KRT8: variants seen among roughly 807,000 people sequenced by gnomAD.
KRT8 encodes the protein keratin, type II cytoskeletal 8.
A neutral mutation model predicts 43.0 loss-of-function variants in KRT8; 24 were observed. The observed-to-expected ratio is 0.56, with a 90% confidence interval of 0.40 to 0.78. The LOEUF (loss-of-function observed/expected upper bound fraction) is 0.78, where lower values mean the gene tolerates loss of function less well. Among genes scored for constraint, KRT8 ranks in the 30% least tolerant of loss-of-function variants. The probability of loss-of-function intolerance (pLI) is 0.00; values close to 1 mark genes in which losing one functional copy is unlikely to be tolerated. For missense variants in KRT8, 492 were observed against 638.4 expected, an observed-to-expected ratio of 0.77 and a Z score of 2.47; for synonymous variants, 214 against 261.2, an observed-to-expected ratio of 0.82 and a Z score of 1.74.
At chr12:52,913,383 A>G (rs1941673342) in intron 2 of KRT8, among the ~76,000 whole-genome samples, 1 of 152,344 alleles carries the variant, frequency 6.6e-6, no homozygotes, top group Admixed American at 6.5e-5. Context: ...CAAAAGTTTT[A>G]TGATTCTATG....
At chr12:52,902,132 G>A in intron 1 of KRT8, 60 bp from the exon 2 acceptor site, 1 of 1,104,436 alleles carries the variant, frequency 9.1e-7, no homozygotes, top group Non-Finnish European at 1.4e-6. Flanking sequence ...AAGTCTGGAG[G>A]AAAGCAAGCA....
At chr12:52,925,939 A>G (rs1316534558) in intron 2 of KRT8, among the ~76,000 whole-genome samples, 1 of 151,954 alleles carries the variant, frequency 6.6e-6, no homozygotes, top group Non-Finnish European at 1.5e-5. Flanking sequence ...GAAGGAGGAG[A>G]AAGGAGGCAG....
chr12:52,902,855 T>C (rs1447206610), intron 1 of KRT8, among the ~76,000 whole-genome samples: 1 of 151,984 alleles, frequency 6.6e-6, no homozygotes, highest in Non-Finnish European at 1.5e-5. Flanking sequence ...CTACAAATAA[T>C]ACAAAAATTA....
chr12:52,900,006 G>A (rs1223505326), exon 5 of KRT8: 3 of 1,613,120 alleles, frequency 1.9e-6, no homozygotes, highest in Non-Finnish European at 1.7e-6. Flanking sequence ...GGGAGCGGCT[G>A]TTGTCCATGG....
At chr12:52,949,175 T>A in intron 2 of KRT8, 1 of 1,609,238 alleles carries the variant, frequency 6.2e-7, no homozygotes, top group Non-Finnish European at 8.5e-7. Context: ...CCGGACAGCA[T>A]GAGCTTCACC....
upstream of KRT8, chr12:52,906,680 C>T (rs1371469347): frequency 4.4e-6 from 2 of 455,814 alleles, no homozygotes; most frequent in Non-Finnish European, 8.8e-6. Context: ...CTGGAAGATA[C>T]TGCAGGGTGT....
At chr12:52,949,309 A>C (rs760412718) in intron 2 of KRT8, 1 of 1,610,408 alleles carries the variant, frequency 6.2e-7, no homozygotes, top group East Asian at 2.2e-5. Flanking sequence ...TGGTTCCCGG[A>C]TCTCCGTGTC....
At chr12:52,903,997 G>C (rs1268842506) in intron 1 of KRT8, among the ~76,000 whole-genome samples, 1 of 151,652 alleles carries the variant, frequency 6.6e-6, no homozygotes, top group Admixed American at 6.6e-5. Flanking sequence ...GCAGGGGCCG[G>C]GGTATGACTC....
At chr12:52,898,063 C>G (rs1351760034) in intron 7 of KRT8, among the ~76,000 whole-genome samples, 2 of 152,016 alleles carry the variant, frequency 1.3e-5, no homozygotes, top group South Asian at 2.1e-4. Flanking sequence ...ACTTGGGAGG[C>G]CTGAGGCAGG....
At chr12:52,915,384 A>G (rs1190428598) in intron 2 of KRT8, among the ~76,000 whole-genome samples, 5 of 151,254 alleles carry the variant, frequency 3.3e-5, no homozygotes, top group Admixed American at 1.3e-4. Flanking sequence ...AAAAAAAAAA[A>G]AAATGTGATT....
intron 2 of KRT8, chr12:52,948,932 C>CT: frequency 2.3e-6 from 1 of 428,440 alleles, no homozygotes; most frequent in African/African-American, 2.1e-5. Context: ...CACCCCGTTT[C>CT]TGGGGGGTGA....
At chr12:52,904,602 G>A in intron 1 of KRT8, 56 bp downstream of exon 1, 1 of 1,511,602 alleles carries the variant, frequency 6.6e-7, no homozygotes, top group South Asian at 1.1e-5. Context: ...TAGGGACCGG[G>A]ACTACCAGGA....
At chr12:52,918,189 A>AGAAGAAGAAGAG (rs1941803218) in intron 2 of KRT8, among the ~76,000 whole-genome samples, 2 of 120,434 alleles carry the variant, frequency 1.7e-5, no homozygotes, top group Non-Finnish European at 1.7e-5. Context: ...AGGAAGAAGA[A>AGAAGAAGAAGAG]GAAGAAGAAG....
Position 52,918,180 on chromosome 12 carries a change from G to GAAGAAGAAGAAGAAGAA in KRT8, c.-46-13154_-46-13153insTTCTTCTTCTTCTTCTT. Among the ~76,000 whole-genome samples, 32 of 73,814 alleles carry GAAGAAGAAGAAGAAGAA rather than the reference G, an allele frequency of 4.3e-4. 2 individuals are homozygous for GAAGAAGAAGAAGAAGAA. The highest frequency in any genetic ancestry group is 7.8e-4 in the Admixed American group (5 of 6,388). The allele number at this position is 73,814 out of a possible 152,430, so 48.4% of individuals were successfully genotyped here. On this transcript the variant is annotated intron_variant, in intron 2 of 6. Transcript: ENST00000546826. Reference sequence around the variant, plus strand: ...GGGAAGAAGAAGAAGAAGAGGAAGAGGAAGAAGAAGAAGAAGAAGAAGAAC... The same window carrying GAAGAAGAAGAAGAAGAA: ...GGGAAGAAGAAGAAGAAGAGGAAGAGAAGAAGAAGAAGAAGAAGAAGAAGAAGAAGAAGAAGAAGAAC...
At chr12:52,929,350 C>A (rs1001845264) in intron 2 of KRT8, among the ~76,000 whole-genome samples, 7 of 152,110 alleles carry the variant, frequency 4.6e-5, no homozygotes, top group Non-Finnish European at 1.0e-4. Flanking sequence ...CACCACCACG[C>A]CCAGCTGATT....
intron 2 of KRT8, among the ~76,000 whole-genome samples, chr12:52,934,245 T>G (rs1270016175): frequency 6.9e-6 from 1 of 145,118 alleles, no homozygotes; most frequent in Non-Finnish European, 1.5e-5. Context: ...GGAAAAAAAA[T>G]AAAAGAAAAG....
chr12:52,901,484 T>G, intron 2 of KRT8: 1 of 557,812 alleles, frequency 1.8e-6, no homozygotes, highest in Non-Finnish European at 3.2e-6. Context: ...GGGCCTGACA[T>G]GAGACCTCAG....
chr12:52,925,887 C>A (rs914253973), intron 2 of KRT8, among the ~76,000 whole-genome samples: 5 of 152,242 alleles, frequency 3.3e-5, no homozygotes, highest in Middle Eastern at 3.4e-3. Context: ...TTTCTCTCCC[C>A]CTCAGGGCCC....
intron 2 of KRT8, chr12:52,948,607 T>A: frequency 8.9e-6 from 2 of 224,916 alleles, no homozygotes; most frequent in Non-Finnish European, 1.7e-5. Context: ...TTCCCCTTCC[T>A]CAGCCTCCCA....
Sources: gnomAD v4.1 joint callset for allele counts (sites outside exome capture counted in the v4.1 genomes callset) on GRCh38, gnomAD v4.1.1 for gene constraint, MANE v1.5 for transcripts, NCBI Gene and HGNC (gene_info 2026-07-23, HGNC 2026-07-21) for gene names.